GYS2: variants seen among roughly 807,000 people sequenced by gnomAD.
GYS2 encodes the protein glycogen [starch] synthase, liver.
A neutral mutation model predicts 85.6 loss-of-function variants in GYS2; 80 were observed. The ratio of observed to expected loss-of-function variants is 0.93; its 90% CI spans 0.78 to 1.13. The LOEUF (loss-of-function observed/expected upper bound fraction) is 1.13. Ranked by LOEUF, GYS2 falls within the 50% of genes most tolerant of loss-of-function variation. GYS2 has a pLI of 0.00. For synonymous variants in GYS2, 328 were observed against 300.7 expected, an observed-to-expected ratio of 1.09 and a Z score of -0.94; for missense variants, 881 against 854.9, an observed-to-expected ratio of 1.03 and a Z score of -0.38.
At chr12:21,584,228 G>T (rs886142544) in intron 1 of GYS2, among the ~76,000 whole-genome samples, 4 of 152,188 alleles carry the variant, frequency 2.6e-5, no homozygotes, top group Non-Finnish European at 5.9e-5. Flanking sequence ...CTTATTCATG[G>T]GCTGTAGCCA....
intron 5 of GYS2, among the ~76,000 whole-genome samples, chr12:21,565,246 A>AAGAG (rs1481821339): frequency 2.0e-5 from 3 of 150,784 alleles, no homozygotes; most frequent in East Asian, 2.0e-4. Flanking sequence ...AAGAGAGAAA[A>AAGAG]AGAGAGAGAG....
intron 2 of GYS2, among the ~76,000 whole-genome samples, chr12:21,578,978 ACTT>A (rs1473759000): frequency 5.9e-5 from 9 of 152,112 alleles, no homozygotes; most frequent in African/African-American, 2.2e-4. Context: ...CATAATCACA[ACTT>A]CTGTGTCTTT....
At position 21,563,051 on chromosome 12, in the gene GYS2, A is replaced by C. The variant is rs202221827; in HGVS notation, c.942-13T>G. 31 of 1,593,900 alleles carry C rather than the reference A, an allele frequency of 1.9e-5. No individual in the cohort carries two copies. The highest frequency in any genetic ancestry group is 3.3e-5 in the Admixed American group (2 of 59,962). ...AAAGTCGAGATGACTAAAACAAAAC[A>C]AAACCAAACAGTTTCAAATGAAATA... On this transcript the variant is annotated splice_polypyrimidine_tract_variant and intron_variant, in intron 6 of 15. Transcript: ENST00000261195.
rs1943911944 is a variant in GYS2, at chr12:21,536,530, A to G, written c.*424T>C. ...ACCTAGCTATTTAAAAAATGTAGGTAGTGCACATTCATGGGTAAGATCAAG... is the reference window on the plus strand; with the variant it reads ...ACCTAGCTATTTAAAAAATGTAGGTGGTGCACATTCATGGGTAAGATCAAG... On this transcript the variant is annotated 3_prime_UTR_variant, in exon 16 of 16. Coordinates refer to ENST00000261195, the MANE Select transcript of GYS2 (RefSeq NM_021957.4). 4.7e-6 allele frequency: 1 copy of G among 212,052 alleles called. No individual in the cohort carries two copies. The highest frequency in any genetic ancestry group is 2.4e-5 in the African/African-American group (1 of 42,360). 13.1% of individuals were successfully genotyped at this position (212,052 alleles called of 1,614,324 possible).
intron 13 of GYS2, among the ~76,000 whole-genome samples, chr12:21,540,827 A>AGTG (rs1943964439): frequency 6.6e-6 from 1 of 152,142 alleles, no homozygotes; most frequent in Non-Finnish European, 1.5e-5. Context: ...ACGCTGGATC[A>AGTG]GTGATCCTCC....
chr12:21,568,939 T>A lies in GYS2; in HGVS notation c.749A>T (p.His250Leu). 2 of 1,613,462 alleles carry A rather than the reference T, an allele frequency of 1.2e-6. No individual in the cohort carries two copies. Among genetic ancestry groups the A allele is most frequent in the South Asian group, 2.2e-5 (2 of 91,066 alleles). ...HRYCMERASV[H>L]CAHVFTTVSE... is the part of the protein sequence containing the mutation. ...AACCGTGGTGAACACGTGAGCGCAATGAACGGAAGCTCGCTCCATGCAGTA... is the reference window on the plus strand; with the variant it reads ...AACCGTGGTGAACACGTGAGCGCAAAGAACGGAAGCTCGCTCCATGCAGTA... Residue 250 changes from histidine (H) to leucine (L), a missense_variant, in exon 5 of 16, where the codon CAT (histidine) becomes CTT (leucine). Transcript: ENST00000261195.
At chr12:21,586,419 ATATCTATCTATCTATCTATC>A (rs60692055) in intron 1 of GYS2, among the ~76,000 whole-genome samples, 9 of 147,768 alleles carry the variant, frequency 6.1e-5, no homozygotes, top group Non-Finnish European at 8.9e-5. Context: ...ATCTAAATCT[ATATCTATCTATCTATCTATC>A]TATCTATCTA....
chr12:21,575,929 A>T lies in GYS2; in HGVS notation c.432T>A (p.Tyr144Ter), dbSNP rs753566404. The change falls in exon 3 of 16, where the codon TAT (tyrosine) becomes TAA (stop). Residue 144 changes from tyrosine to a stop codon, truncating the protein, a stop_gained. Transcript: ENST00000261195. LOFTEE classifies it high-confidence loss of function. The stretch of plus-strand genomic sequence containing the variant: ...GCATATCATTGGCTTCTCGGTCATG[A>T]TAAGGAATGCCGACACTGCATGCTT... ...LWEACSVGIP[Y>*]HDREANDMLI... 1 of 1,613,986 alleles carries T rather than the reference A, an allele frequency of 6.2e-7. No individual in the cohort carries two copies. The highest frequency in any genetic ancestry group is 1.1e-5 in the South Asian group (1 of 91,074).
In GYS2 at chr12:21,541,975, G is replaced by T. The variant is rs150749616; in HGVS notation, c.1645+521C>A. On this transcript the variant is annotated intron_variant, in intron 13 of 15. Coordinates refer to ENST00000261195, the MANE Select transcript of GYS2 (RefSeq NM_021957.4). The stretch of plus-strand genomic sequence containing the variant: ...ATGCAGTATTTGGTTATCTGTTCCC[G>T]CATTAATTCACTTAAGATAATGACC... Among the ~76,000 whole-genome samples, 20 of 152,084 alleles carry T rather than the reference G, an allele frequency of 1.3e-4. No individual in the cohort carries two copies. In the East Asian group the frequency reaches 3.7e-3, roughly 28 times the overall value.
chr12:21,562,032 G>A (rs923148591), intron 7 of GYS2, among the ~76,000 whole-genome samples: 1 of 152,144 alleles, frequency 6.6e-6, no homozygotes, highest in Non-Finnish European at 1.5e-5. Context: ...TATGTGATGG[G>A]ATTGGAATAT....
intron 11 of GYS2, 24 bp downstream of exon 11, chr12:21,558,176 C>G: frequency 7.7e-7 from 1 of 1,296,036 alleles, no homozygotes; most frequent in South Asian, 1.2e-5. Flanking sequence ...GTTTAAAGTT[C>G]GCCACATGAA....
intron 1 of GYS2, among the ~76,000 whole-genome samples, chr12:21,584,660 A>G (rs954834054): frequency 6.6e-6 from 1 of 152,158 alleles, no homozygotes; most frequent in Non-Finnish European, 1.5e-5. Context: ...TCAGCCAGCT[A>G]CCTGGTGGCA....
chr12:21,575,738 A>T, intron 3 of GYS2, 128 bp downstream of exon 3: 1 of 761,046 alleles, frequency 1.3e-6, no homozygotes, highest in Non-Finnish European at 2.3e-6. Flanking sequence ...ATTTCTTTCA[A>T]TTGTATTAGG....
intron 1 of GYS2, among the ~76,000 whole-genome samples, chr12:21,590,856 TCACA>T (rs1944630709): frequency 6.6e-6 from 1 of 151,664 alleles, no homozygotes; most frequent in Non-Finnish European, 1.5e-5. Flanking sequence ...ACTGAAAAAA[TCACA>T]GACACTGATG....
intron 13 of GYS2, 118 bp downstream of exon 13, chr12:21,542,378 A>G (rs1943988255): frequency 1.3e-6 from 1 of 750,832 alleles, no homozygotes; most frequent in Non-Finnish European, 2.4e-6. Context: ...AACAAGAAAT[A>G]TAAAAACATT....
chr12:21,534,093 G>A (rs1045514486), downstream of GYS2, among the ~76,000 whole-genome samples: 6 of 152,092 alleles, frequency 3.9e-5, no homozygotes, highest in African/African-American at 1.2e-4. Flanking sequence ...CAATACAGAC[G>A]GGCCCAACTT....
At chr12:21,581,425 C>T (rs757135955) in intron 1 of GYS2, among the ~76,000 whole-genome samples, 6 of 152,162 alleles carry the variant, frequency 3.9e-5, no homozygotes, top group Non-Finnish European at 5.9e-5. Context: ...CCAGTGCATG[C>T]AGCCCCCAGT....
rs371281915 is a variant in GYS2, at chr12:21,583,976, A to C, written c.122-3453T>G. ...TCCCTGAGACTGCACCGATGGTCTC[A>C]TGGGGAGTTCCCTATGATCAGCTGA... On this transcript the variant is annotated intron_variant, in intron 1 of 15. Transcript: ENST00000261195. 2.6e-5 allele frequency among the ~76,000 whole-genome samples: 4 copies of C among 152,226 alleles called. No individual in the cohort carries two copies. The East Asian group carries it at 7.7e-4, about 29-fold the overall frequency.
chr12:21,536,695 A>T lies in GYS2; in HGVS notation c.*259T>A, dbSNP rs140445396. On this transcript the variant is annotated 3_prime_UTR_variant, in exon 16 of 16. Transcript: ENST00000261195. ...CACTTAAATTCACCATTTTAAAAAC[A>T]CTTTTCCGTCTTCTGCCTTTAATGA... The T allele has an allele frequency of 4.7e-3, 2,339 of 494,024 alleles. 11 individuals carry two copies. The highest frequency in any genetic ancestry group is 6.3e-3 in the Non-Finnish European group (1,718 of 274,504). 30.6% of individuals were successfully genotyped at this position (494,024 alleles called of 1,614,324 possible).
Sources: gnomAD v4.1 joint callset for allele counts (sites outside exome capture counted in the v4.1 genomes callset) on GRCh38, gnomAD v4.1.1 for gene constraint, MANE v1.5 for transcripts, NCBI Gene and HGNC (gene_info 2026-07-23, HGNC 2026-07-21) for gene names.